SSBP2: variants seen among roughly 807,000 people sequenced by gnomAD.
SSBP2 encodes single-stranded DNA-binding protein 2.
A neutral mutation model predicts 61.8 loss-of-function variants in SSBP2; 17 were observed. The ratio of observed to expected loss-of-function variants is 0.28; its 90% confidence interval spans 0.19 to 0.41. The LOEUF (loss-of-function observed/expected upper bound fraction) is 0.41, where lower values mean the gene tolerates loss of function less well. SSBP2 is among the 10% of genes least tolerant of loss of function. The pLI, the probability that SSBP2 is intolerant of heterozygous loss-of-function variation, is 1.00. For synonymous variants in SSBP2, 139 were observed against 141.3 expected (o/e 0.98, Z 0.12); for missense variants, 310 against 458.7 (o/e 0.68, Z 2.96).
At chr5:81,481,907 T>C (rs1405342083) in intron 6 of SSBP2, among the ~76,000 whole-genome samples, 2 of 151,974 alleles carry the variant, frequency 1.3e-5, no homozygotes, top group East Asian at 1.9e-4. Flanking sequence ...CAGGCTTTGT[T>C]GTTCCATTTA....
intron 6 of SSBP2, among the ~76,000 whole-genome samples, chr5:81,481,357 C>A (rs1765970655): frequency 6.6e-6 from 1 of 152,138 alleles, no homozygotes; most frequent in East Asian, 1.9e-4. Context: ...TGCAGTGGCT[C>A]ACGCCTGTAA....
chr5:81,479,123 C>A (rs965087265), intron 6 of SSBP2, among the ~76,000 whole-genome samples: 1 of 152,160 alleles, frequency 6.6e-6, no homozygotes. Flanking sequence ...CTTGGGATGA[C>A]CAGATAGTAG....
At chr5:81,749,730 A>C (rs1379503336) in intron 1 of SSBP2, among the ~76,000 whole-genome samples, 1 of 152,098 alleles carries the variant, frequency 6.6e-6, no homozygotes, top group Non-Finnish European at 1.5e-5. Flanking sequence ...ATTTTTAGTA[A>C]CAACCAAATC....
intron 4 of SSBP2, among the ~76,000 whole-genome samples, chr5:81,610,109 C>T (rs1024662613): frequency 2.6e-5 from 4 of 152,172 alleles, no homozygotes; most frequent in Non-Finnish European, 5.9e-5. Context: ...CGGGCTGGGG[C>T]ATGCCCAGCC....
chr5:81,661,634 A>G (rs1250733019), intron 1 of SSBP2, among the ~76,000 whole-genome samples: 4 of 151,852 alleles, frequency 2.6e-5, no homozygotes, highest in Non-Finnish European at 5.9e-5. Context: ...CTTGTTGGCC[A>G]TTGGTATGTT....
At chr5:81,547,936 C>A (rs1163269544) in intron 4 of SSBP2, among the ~76,000 whole-genome samples, 1 of 152,096 alleles carries the variant, frequency 6.6e-6, no homozygotes, top group Admixed American at 6.5e-5. Context: ...AGATAGGACA[C>A]AAGGATTTTT....
chr5:81,737,258 T>C lies in SSBP2; in HGVS notation c.62+13723A>G, dbSNP rs944115491. ...ACAACACAATAAAACCCAAAATTAT[T>C]CCAACTATTGCCCCTCCTTGCAAAA... On this transcript the variant is annotated intron_variant, in intron 1 of 16. Coordinates refer to ENST00000320672, the MANE Select transcript of SSBP2 (RefSeq NM_012446.5). Among the ~76,000 whole-genome samples the C allele has an allele frequency of 3.1e-4, 47 of 149,506 alleles. 1 individual carries two copies. The highest frequency in any genetic ancestry group is 1.3e-4 in the Non-Finnish European group (9 of 67,606).
chr5:81,434,949 C>T (rs937890369), intron 15 of SSBP2, among the ~76,000 whole-genome samples: 5 of 152,014 alleles, frequency 3.3e-5, no homozygotes, highest in East Asian at 1.9e-4. Flanking sequence ...ACAATGTGCA[C>T]GATGCTACTG....
At chr5:81,581,044 A>G (rs1008008756) in intron 4 of SSBP2, among the ~76,000 whole-genome samples, 2 of 152,188 alleles carry the variant, frequency 1.3e-5, no homozygotes, top group Non-Finnish European at 2.9e-5. Context: ...AGTTACGTAA[A>G]AGTGCAGGTT....
intron 6 of SSBP2, among the ~76,000 whole-genome samples, chr5:81,486,161 CTATT>C (rs1766365057): frequency 6.6e-6 from 1 of 152,018 alleles, no homozygotes; most frequent in South Asian, 2.1e-4. Flanking sequence ...TAGGTAAAGA[CTATT>C]TATGATTCTT....
At chr5:81,501,655 C>T (rs781727746) in intron 5 of SSBP2, among the ~76,000 whole-genome samples, 15 of 149,056 alleles carry the variant, frequency 1.0e-4, no homozygotes, top group East Asian at 2.0e-4. Flanking sequence ...CTCCGCCTCT[C>T]GGGTTCACGC....
At chr5:81,561,242 G>A (rs1164870637) in intron 4 of SSBP2, among the ~76,000 whole-genome samples, 1 of 152,078 alleles carries the variant, frequency 6.6e-6, no homozygotes, top group Non-Finnish European at 1.5e-5. Context: ...AATAGCCAAA[G>A]AGACTGAGAA....
intron 1 of SSBP2, among the ~76,000 whole-genome samples, chr5:81,687,258 C>A (rs1265917119): frequency 6.6e-6 from 1 of 152,210 alleles, no homozygotes; most frequent in African/African-American, 2.4e-5. Flanking sequence ...CAGAGAGCAA[C>A]ACCGAACAGA....
intron 4 of SSBP2, among the ~76,000 whole-genome samples, chr5:81,516,852 A>C (rs1769060773): frequency 2.0e-5 from 3 of 152,028 alleles, no homozygotes; most frequent in Non-Finnish European, 4.4e-5. Context: ...ATTTCTTCGG[A>C]TATGTTGCTG....
intron 3 of SSBP2, among the ~76,000 whole-genome samples, chr5:81,623,232 T>G (rs2153633302): frequency 6.6e-6 from 1 of 152,274 alleles, no homozygotes; most frequent in African/African-American, 2.4e-5. Context: ...ATATAATATC[T>G]CTTCTTCTTT....
At chr5:81,702,285 C>T (rs974751648) in intron 1 of SSBP2, among the ~76,000 whole-genome samples, 1 of 152,120 alleles carries the variant, frequency 6.6e-6, no homozygotes, top group African/African-American at 2.4e-5. Flanking sequence ...GCAGGGGAAT[C>T]GCTTGAACCC....
chr5:81,521,583 T>G (rs959610017), intron 4 of SSBP2, among the ~76,000 whole-genome samples: 1 of 152,044 alleles, frequency 6.6e-6, no homozygotes, highest in African/African-American at 2.4e-5. Flanking sequence ...ACCACCTTGA[T>G]TTTTGTTCCT....
At chr5:81,470,917 T>A (rs1339570332) in intron 8 of SSBP2, among the ~76,000 whole-genome samples, 1 of 151,924 alleles carries the variant, frequency 6.6e-6, no homozygotes, top group East Asian at 1.9e-4. Flanking sequence ...ATGAAATAAA[T>A]ACGTCATAAG....
At chr5:81,583,555 G>A (rs768953751) in intron 4 of SSBP2, among the ~76,000 whole-genome samples, 3 of 151,380 alleles carry the variant, frequency 2.0e-5, no homozygotes, top group Non-Finnish European at 2.9e-5. Context: ...GCATGAACCC[G>A]GGAGGCAGAG....
Sources: gnomAD v4.1 joint callset for allele counts (sites outside exome capture counted in the v4.1 genomes callset) on GRCh38, gnomAD v4.1.1 for gene constraint, MANE v1.5 for transcripts, NCBI Gene and HGNC (gene_info 2026-07-23, HGNC 2026-07-21) for gene names.